Variants in ZFPM2 observed in about 807,000 individuals in gnomAD.
ZFPM2 encodes zinc finger protein ZFPM2.
In ZFPM2, 20 loss-of-function variants were observed where a neutral mutation model predicts 98.6. The ratio of observed to expected loss-of-function variants is 0.20; its 90% CI spans 0.14 to 0.29. The LOEUF is 0.29. Among genes scored for constraint, ZFPM2 ranks in the 10% least tolerant of loss-of-function variants. The pLI, the probability that ZFPM2 is intolerant of heterozygous loss-of-function variation, is 1.00. For missense variants in ZFPM2, 1,310 were observed against 1,388.6 expected, an observed-to-expected ratio of 0.94 and a Z score of 0.90; for synonymous variants, 518 against 502.7, an observed-to-expected ratio of 1.03 and a Z score of -0.41.
chr8:105,356,500 G>A (rs1812749937), intron 1 of ZFPM2, among the ~76,000 whole-genome samples: 1 of 152,144 alleles, frequency 6.6e-6, no homozygotes, highest in Non-Finnish European at 1.5e-5. Flanking sequence ...AGATCAAAAG[G>A]ATCTGTAATC....
chr8:105,564,919 G>A (rs1815212782), intron 4 of ZFPM2, among the ~76,000 whole-genome samples: 1 of 152,128 alleles, frequency 6.6e-6, no homozygotes, highest in African/African-American at 2.4e-5. Flanking sequence ...ACTATAATAT[G>A]TATTTGAAAT....
rs192817445 is a variant in ZFPM2, at chr8:105,520,520, C to T, written c.302-40843C>T. On this transcript the variant is annotated intron_variant, in intron 3 of 7. Transcript: ENST00000407775. ...AATTTAATTCAGCCTAATTAAGTTA[C>T]ACATTGTGGGTACACGCTCACACAC... Among the ~76,000 whole-genome samples, 7 of 152,114 alleles carry T rather than the reference C, an allele frequency of 4.6e-5. No individual in the cohort carries two copies. The East Asian group carries it at 1.2e-3, about 25-fold the overall frequency.
At chr8:105,760,323 A>G (rs186091058) in intron 5 of ZFPM2, among the ~76,000 whole-genome samples, 2 of 152,200 alleles carry the variant, frequency 1.3e-5, no homozygotes, top group East Asian at 1.9e-4. Flanking sequence ...TGCAATATAC[A>G]TATTTAAAAG....
intron 5 of ZFPM2, among the ~76,000 whole-genome samples, chr8:105,717,966 C>G (rs754272236): frequency 6.6e-6 from 1 of 151,662 alleles, no homozygotes; most frequent in African/African-American, 2.4e-5. Flanking sequence ...ACTCCTGGCT[C>G]CTACTACCGA....
chr8:105,759,293 C>T, intron 5 of ZFPM2, among the ~76,000 whole-genome samples: 1 of 152,084 alleles, frequency 6.6e-6, no homozygotes. Flanking sequence ...TTTCCACATT[C>T]ACAGTATTGC....
intron 4 of ZFPM2, among the ~76,000 whole-genome samples, chr8:105,629,385 A>G (rs1816716971): frequency 6.6e-6 from 1 of 152,230 alleles, no homozygotes; most frequent in African/African-American, 2.4e-5. Context: ...TGTTATTTCA[A>G]CTAACGGGAA....
chr8:105,764,295 C>CTG (rs1812807882), intron 5 of ZFPM2, among the ~76,000 whole-genome samples: 3 of 123,194 alleles, frequency 2.4e-5, no homozygotes, highest in Non-Finnish European at 1.8e-5. Context: ...CTGACACACA[C>CTG]ACACACACAC....
intron 5 of ZFPM2, among the ~76,000 whole-genome samples, chr8:105,709,251 A>G (rs530232562): frequency 7.9e-5 from 12 of 152,316 alleles, no homozygotes; most frequent in Admixed American, 4.6e-4. Flanking sequence ...TCACTCATCA[A>G]TCTGGTTTTT....
At chr8:105,676,400 T>C (rs138225172) in intron 5 of ZFPM2, among the ~76,000 whole-genome samples, 40 of 152,260 alleles carry the variant, frequency 2.6e-4, no homozygotes, top group African/African-American at 9.4e-4. Context: ...AAATTTGTAT[T>C]ATCTTCACAT....
intron 3 of ZFPM2, among the ~76,000 whole-genome samples, chr8:105,513,713 T>C (rs1270378629): frequency 2.0e-5 from 3 of 152,250 alleles, no homozygotes; most frequent in Non-Finnish European, 4.4e-5. Context: ...TTTTGAAAAG[T>C]TATATTTTTA....
chr8:105,534,912 A>G (rs894996103), intron 3 of ZFPM2, among the ~76,000 whole-genome samples: 4 of 152,128 alleles, frequency 2.6e-5, no homozygotes, highest in Non-Finnish European at 4.4e-5. Context: ...CTTTCATCCA[A>G]ATGACCAAAG....
At chr8:105,542,570 G>A (rs1396059139) in intron 3 of ZFPM2, among the ~76,000 whole-genome samples, 2 of 152,086 alleles carry the variant, frequency 1.3e-5, no homozygotes, top group Admixed American at 1.3e-4. Context: ...AACCAAATGT[G>A]GACTGAAAAT....
chr8:105,600,912 T>A (rs1263999242), intron 4 of ZFPM2, among the ~76,000 whole-genome samples: 1 of 152,094 alleles, frequency 6.6e-6, no homozygotes, highest in East Asian at 1.9e-4. Context: ...CTTTACATAT[T>A]CACTATGAAT....
chr8:105,476,855 G>A (rs538035530), intron 3 of ZFPM2, among the ~76,000 whole-genome samples: 16 of 152,014 alleles, frequency 1.1e-4, no homozygotes, highest in African/African-American at 3.6e-4. Context: ...GGGGGTGGGG[G>A]TAGTCAATGC....
intron 3 of ZFPM2, among the ~76,000 whole-genome samples, chr8:105,514,392 T>C (rs1409661215): frequency 1.3e-5 from 2 of 150,774 alleles, no homozygotes; most frequent in African/African-American, 4.9e-5. Flanking sequence ...GATGGAGATT[T>C]AAGCAGATAA....
intron 1 of ZFPM2, among the ~76,000 whole-genome samples, chr8:105,396,147 A>G (rs766834663): frequency 2.0e-5 from 3 of 152,206 alleles, no homozygotes; most frequent in Non-Finnish European, 2.9e-5. Flanking sequence ...ACCAGTGTGT[A>G]TCAAGTAAAG....
intron 3 of ZFPM2, among the ~76,000 whole-genome samples, chr8:105,448,494 G>A (rs540226867): frequency 4.6e-5 from 7 of 151,972 alleles, no homozygotes; most frequent in South Asian, 4.1e-4. Flanking sequence ...AGTTCAAGGT[G>A]TAACATCATG....
intron 3 of ZFPM2, among the ~76,000 whole-genome samples, chr8:105,535,465 T>C (rs538533435): frequency 6.6e-6 from 1 of 152,292 alleles, no homozygotes; most frequent in Admixed American, 6.5e-5. Context: ...TTGCATATAA[T>C]AAACAGGATT....
rs770354767 is a variant in ZFPM2 at position 105,798,826 on chromosome 8, C to T, written c.842C>T (p.Ala281Val). Residue 281 changes from alanine (A) to valine (V), a missense_variant, in exon 7 of 8, where the codon GCT (alanine) becomes GTT (valine). Ala to Val is a moderately conservative substitution (Grantham distance 64, BLOSUM62 0). Coordinates refer to ENST00000407775, the MANE Select transcript of ZFPM2 (RefSeq NM_012082.4). ...YYCSGRQREA[A>V]PVSEENEDSA... The stretch of plus-strand genomic sequence containing the variant: ...TGCAGTGGGAGGCAAAGAGAAGCTG[C>T]TCCGGTGTCAGAGGAAAATGAAGAC... The T allele has an allele frequency of 1.2e-6, 2 of 1,613,968 alleles. No individual in the cohort carries two copies. Among genetic ancestry groups the T allele is most frequent in the South Asian group, 2.2e-5 (2 of 91,080 alleles).
Sources: allele counts gnomAD v4.1 joint callset (sites outside exome capture counted in the v4.1 genomes callset), GRCh38; gene constraint gnomAD v4.1.1; transcripts MANE v1.5; gene names NCBI Gene and HGNC (gene_info 2026-07-23, HGNC 2026-07-21).